TRAF3: variants seen among roughly 807,000 people sequenced by gnomAD.
TRAF3 encodes the protein TNF receptor-associated factor 3.
Under a neutral mutation model 62.3 loss-of-function variants are expected in TRAF3, and 13 were observed. The ratio of observed to expected loss-of-function variants is 0.21; its 90% CI spans 0.14 to 0.33. TRAF3 has a LOEUF of 0.33. TRAF3 is among the 10% of genes least tolerant of loss of function. The pLI is 1.00. For missense variants in TRAF3, 440 were observed against 741.8 expected (o/e 0.59, Z 4.73); for synonymous variants, 269 against 283.4 (o/e 0.95, Z 0.51).
intron 1 of TRAF3, among the ~76,000 whole-genome samples, chr14:102,811,585 T>G (rs939782670): frequency 1.3e-5 from 2 of 149,744 alleles, no homozygotes. Context: ...GGTTTTTGTT[T>G]GTTTTTGTGC....
intron 10 of TRAF3, among the ~76,000 whole-genome samples, chr14:102,899,602 GCTCCAGGCA>G (rs1890175229): frequency 6.6e-6 from 1 of 152,172 alleles, no homozygotes; most frequent in African/African-American, 2.4e-5. Context: ...TTCCTGGCCA[GCTCCAGGCA>G]CTCCTCCAGC....
chr14:102,884,655 CA>C (rs1889259236), intron 6 of TRAF3, among the ~76,000 whole-genome samples: 1 of 151,854 alleles, frequency 6.6e-6, no homozygotes, highest in Admixed American at 6.6e-5. Context: ...ACTAAAAATA[CA>C]AAAAATTAGC....
At position 102,906,054 on chromosome 14, in the gene TRAF3, A is replaced by G; in HGVS notation, c.*270A>G. The G allele has an allele frequency of 2.5e-6, 1 of 392,222 alleles. No homozygotes were observed. Among genetic ancestry groups the G allele is most frequent in the South Asian group, 4.8e-5 (1 of 20,768 alleles). 24.3% of individuals were successfully genotyped at this position (392,222 alleles called of 1,614,324 possible). ...AAGGTTTTCATTTTCATTTTTAAAG[A>G]TCTAGTTAATTAAGGTGGAAAACAT... On this transcript the variant is annotated 3_prime_UTR_variant, in exon 12 of 12. Coordinates refer to ENST00000392745, the MANE Select transcript of TRAF3 (RefSeq NM_145725.3).
At chr14:102,825,191 G>C (rs1321379643) in intron 1 of TRAF3, among the ~76,000 whole-genome samples, 3 of 152,240 alleles carry the variant, frequency 2.0e-5, no homozygotes, top group Non-Finnish European at 4.4e-5. Flanking sequence ...CAAAGCGTCA[G>C]GCCGCTCAGA....
chr14:102,858,810 T>C (rs1887526345), intron 2 of TRAF3, among the ~76,000 whole-genome samples: 1 of 152,242 alleles, frequency 6.6e-6, no homozygotes, highest in South Asian at 2.1e-4. Context: ...TTGACAGTGC[T>C]TCCTGTATGA....
rs1890625129 is a variant in TRAF3, at chr14:102,907,193, C to T, written c.*1409C>T. The T allele has an allele frequency of 6.6e-6, 1 of 152,264 alleles. No homozygotes were observed. The highest frequency in any genetic ancestry group is 6.5e-5 in the Admixed American group (1 of 15,280). The allele number at this position is 152,264 out of a possible 1,614,324, so 9.4% of individuals were successfully genotyped here. The stretch of plus-strand genomic sequence containing the variant: ...GGCAGGTGTGGAACAGAAGCCGAGC[C>T]TCTCCGTGTCCCCACCGGGGCCGTG... On this transcript the variant is annotated 3_prime_UTR_variant, in exon 12 of 12. Transcript: ENST00000392745.
intron 2 of TRAF3, among the ~76,000 whole-genome samples, chr14:102,852,706 T>C (rs1887116238): frequency 6.6e-6 from 1 of 151,816 alleles, no homozygotes; most frequent in Non-Finnish European, 1.5e-5. Flanking sequence ...TTAAAAACAG[T>C]TTGTTTTTTT....
intron 1 of TRAF3, among the ~76,000 whole-genome samples, chr14:102,809,616 G>A (rs1463897033): frequency 7.0e-6 from 1 of 143,646 alleles, no homozygotes; most frequent in Non-Finnish European, 1.5e-5. Flanking sequence ...CACTGCAAGC[G>A]CCGCCTCCCA....
chr14:102,883,969 G>GA (rs998543060), intron 6 of TRAF3, among the ~76,000 whole-genome samples: 2 of 151,854 alleles, frequency 1.3e-5, no homozygotes, highest in Non-Finnish European at 2.9e-5. Context: ...ATAGACAAAT[G>GA]AAAAAAAATC....
At chr14:102,894,378 A>G (rs1198444353) in intron 9 of TRAF3, among the ~76,000 whole-genome samples, 2 of 152,220 alleles carry the variant, frequency 1.3e-5, no homozygotes, top group Non-Finnish European at 2.9e-5. Flanking sequence ...AAAAACTGCA[A>G]AATCTGGACT....
Position 102,905,239 on chromosome 14 carries a change from C to T in TRAF3, c.1162C>T (p.His388Tyr). The T allele has an allele frequency of 6.2e-7, 1 of 1,614,008 alleles. No homozygotes were observed. The highest frequency in any genetic ancestry group is 1.1e-5 in the South Asian group (1 of 91,084). The change falls in exon 12 of 12, where the codon CAT becomes TAT. Residue 388 changes from histidine to tyrosine, a missense_variant. Physicochemically the swap from His to Tyr is moderately conservative, Grantham distance 83. This residue lies in a region of TRAF3 where 41 missense variants were observed against 40.0 expected (regional missense o/e 1.03). Transcript: ENST00000392745. ...CCTGCTGGAGTCCCAGCTGAGCCGG[C>T]ATGACCAGATGCTGAGTGTGCACGA... is the stretch of plus-strand genomic sequence containing the variant. ...TGLLESQLSRHDQMLSVHDIR... is the reference protein window; with the variant it reads ...TGLLESQLSRYDQMLSVHDIR...
rs1292084798 is a variant in TRAF3 at position 102,870,217 on chromosome 14, A to G, written c.16A>G (p.Lys6Glu). The G allele has an allele frequency of 6.2e-7, 1 of 1,614,054 alleles. No homozygotes were observed. The highest frequency in any genetic ancestry group is 1.3e-5 in the African/African-American group (1 of 74,924). MESSK[K>E]MDSPGALQTN... ...CTTTCCTAAAATGGAGTCGAGTAAA[A>G]AGATGGACTCTCCTGGCGCGCTGCA... Residue 6 changes from lysine (K) to glutamate (E), a missense_variant, in exon 3 of 12, where the codon AAG (lysine) becomes GAG (glutamate). This residue lies in a region of TRAF3 where 40 missense variants were observed against 38.3 expected (regional missense o/e 1.05). Coordinates refer to ENST00000392745, the MANE Select transcript of TRAF3 (RefSeq NM_145725.3).
chr14:102,806,079 A>G (rs1013299533), intron 1 of TRAF3, among the ~76,000 whole-genome samples: 2 of 151,568 alleles, frequency 1.3e-5, no homozygotes, highest in Admixed American at 6.6e-5. Flanking sequence ...AAACCTTCAG[A>G]AGTGGGGTGG....
intron 2 of TRAF3, among the ~76,000 whole-genome samples, chr14:102,835,419 A>G (rs1013339927): frequency 2.0e-5 from 3 of 152,238 alleles, no homozygotes; most frequent in Non-Finnish European, 2.9e-5. Flanking sequence ...AAAGGAATAT[A>G]AATTGTTCTA....
At chr14:102,858,700 G>A (rs935104007) in intron 2 of TRAF3, among the ~76,000 whole-genome samples, 1 of 152,008 alleles carries the variant, frequency 6.6e-6, no homozygotes, top group Non-Finnish European at 1.5e-5. Flanking sequence ...CATATGCTAA[G>A]TCATATCACA....
intron 1 of TRAF3, among the ~76,000 whole-genome samples, chr14:102,818,001 G>A (rs1302361683): frequency 1.3e-5 from 2 of 152,204 alleles, no homozygotes; most frequent in Admixed American, 1.3e-4. Context: ...GCTGGAGAGG[G>A]GTGGGGAGCT....
At chr14:102,805,571 G>T (rs771331377) in intron 1 of TRAF3, among the ~76,000 whole-genome samples, 1 of 152,144 alleles carries the variant, frequency 6.6e-6, no homozygotes, top group African/African-American at 2.4e-5. Context: ...ACTACTGTTG[G>T]GTTCTCCTCC....
intron 1 of TRAF3, among the ~76,000 whole-genome samples, chr14:102,789,366 G>T (rs1320693239): frequency 1.3e-5 from 2 of 152,128 alleles, no homozygotes; most frequent in South Asian, 2.1e-4. Flanking sequence ...TTTCACTTGG[G>T]TATATACCTA....
At chr14:102,804,795 G>A (rs1898670088) in intron 1 of TRAF3, among the ~76,000 whole-genome samples, 1 of 152,104 alleles carries the variant, frequency 6.6e-6, no homozygotes, top group Admixed American at 6.6e-5. Context: ...CCCTGTTCTT[G>A]ATACCTGGTT....
Sources: allele counts gnomAD v4.1 joint callset (sites outside exome capture counted in the v4.1 genomes callset), GRCh38; gene constraint gnomAD v4.1.1; regional missense constraint gnomAD v4.1.1; transcripts MANE v1.5; gene names NCBI Gene and HGNC (gene_info 2026-07-23, HGNC 2026-07-21).